Variants in C13orf46 observed in about 807,000 individuals in gnomAD.
C13orf46 encodes chromosome 13 open reading frame 46, also known as uncharacterized protein C13orf46.
downstream of C13orf46, among the ~76,000 whole-genome samples, chr13:113,949,677 C>G (rs984566318): frequency 6.6e-6 from 1 of 152,240 alleles, no homozygotes; most frequent in Non-Finnish European, 1.5e-5. Flanking sequence ...GCAGATGCCC[C>G]GACAAGCTGT....
chr13:113,928,206 CCAA>C, the C13orf46 span: 1 of 152,290 alleles, frequency 6.6e-6, no homozygotes, highest in Admixed American at 6.5e-5. Flanking sequence ...ACAGCCAAGG[CCAA>C]GAAGCTCCCA....
the C13orf46 span, among the ~76,000 whole-genome samples, chr13:113,945,681 A>G: frequency 4.9e-3 from 445 of 90,116 alleles, 7 homozygotes; most frequent in African/African-American, 0.014. Flanking sequence ...AGGAAAGAAA[A>G]ACAAACCAAG....
chr13:113,945,990 C>A, the C13orf46 span, among the ~76,000 whole-genome samples: 13 of 152,050 alleles, frequency 8.5e-5, no homozygotes, highest in Non-Finnish European at 1.3e-4. Flanking sequence ...GATTTAGGGT[C>A]CAGTTCACCG....
At chr13:113,942,875 G>A in the C13orf46 span, among the ~76,000 whole-genome samples, 6 of 152,186 alleles carry the variant, frequency 3.9e-5, no homozygotes, top group South Asian at 2.1e-4. Context: ...AAGGCACAGC[G>A]CCCCAGTGCC....
At position 113,955,202 on chromosome 13, in the gene C13orf46, G is replaced by A. The variant is rs2052514649; in HGVS notation, c.*1571C>T. On this transcript the variant is annotated 3_prime_UTR_variant, in exon 7 of 7. Coordinates refer to ENST00000636427, the MANE Select transcript of C13orf46 (RefSeq NM_001365455.2). ...ATCTGGTGGAGAGGAGGAGCATCCC[G>A]TGGAGACGAGGAGCATCCCGTGGAG... 1 of 210,992 alleles carries A rather than the reference G, an allele frequency of 4.7e-6. No individual in the cohort carries two copies. The highest frequency in any genetic ancestry group is 5.4e-5 in the South Asian group (1 of 18,444). The allele number at this position is 210,992 out of a possible 1,614,324, so 13.1% of individuals were successfully genotyped here.
chr13:113,967,704 G>C (rs2052663913), intron 4 of C13orf46, among the ~76,000 whole-genome samples: 1 of 152,156 alleles, frequency 6.6e-6, no homozygotes, highest in Admixed American at 6.5e-5. Flanking sequence ...CTCATCCTCT[G>C]AGAACTCGGG....
chr13:113,963,343 C>T (rs1171465331), intron 6 of C13orf46, among the ~76,000 whole-genome samples: 1 of 60,488 alleles, frequency 1.7e-5, no homozygotes, highest in East Asian at 6.8e-4. Flanking sequence ...GCCCTCGCCC[C>T]GTCCTCAGCC....
chr13:113,950,823 C>T (rs1048477542), downstream of C13orf46, among the ~76,000 whole-genome samples: 3 of 152,204 alleles, frequency 2.0e-5, no homozygotes, highest in East Asian at 1.9e-4. Flanking sequence ...GGAGTCCTGC[C>T]GTCTCTGGTG....
the C13orf46 span, among the ~76,000 whole-genome samples, chr13:113,946,715 C>T: frequency 2.0e-5 from 3 of 152,232 alleles, no homozygotes; most frequent in Non-Finnish European, 4.4e-5. Context: ...TGTTGGCATC[C>T]AGGCCATTGG....
At chr13:113,973,236 T>A (rs1279214949) in intron 1 of C13orf46, among the ~76,000 whole-genome samples, 3 of 152,140 alleles carry the variant, frequency 2.0e-5, no homozygotes, top group African/African-American at 7.2e-5. Context: ...AGCCTTAAGA[T>A]CTCTGCCCTA....
At chr13:113,961,289 C>T (rs1016311610) in intron 6 of C13orf46, among the ~76,000 whole-genome samples, 1 of 151,800 alleles carries the variant, frequency 6.6e-6, no homozygotes, top group Non-Finnish European at 1.5e-5. Context: ...AAATTACATA[C>T]ATTTATATTA....
At chr13:113,947,607 G>A in the C13orf46 span, among the ~76,000 whole-genome samples, 31 of 152,204 alleles carry the variant, frequency 2.0e-4, no homozygotes, top group African/African-American at 7.2e-4. Context: ...GGGTGGAGCG[G>A]GGAGCTGGCA....
chr13:113,950,812 G>A (rs992340937), downstream of C13orf46, among the ~76,000 whole-genome samples: 3 of 152,188 alleles, frequency 2.0e-5, no homozygotes, highest in East Asian at 1.9e-4. Flanking sequence ...TCCAGGGCAC[G>A]GGAGTCCTGC....
chr13:113,971,439 A>T (rs1256314069), intron 1 of C13orf46, among the ~76,000 whole-genome samples: 1 of 152,212 alleles, frequency 6.6e-6, no homozygotes, highest in African/African-American at 2.4e-5. Flanking sequence ...TGGGGCCCAG[A>T]GGTGGAGCGC....
downstream of C13orf46, among the ~76,000 whole-genome samples, chr13:113,951,279 C>A (rs879223652): frequency 8.6e-5 from 13 of 152,014 alleles, no homozygotes; most frequent in Non-Finnish European, 1.9e-4. Flanking sequence ...CCTGAGCCCT[C>A]AGCACCGGGG....
intron 1 of C13orf46, among the ~76,000 whole-genome samples, chr13:113,970,923 C>T (rs1441281191): frequency 3.9e-5 from 6 of 152,228 alleles, no homozygotes; most frequent in African/African-American, 1.4e-4. Flanking sequence ...GCACACACTG[C>T]TCCCTGGCAC....
the C13orf46 span, among the ~76,000 whole-genome samples, chr13:113,930,152 G>C: frequency 1.7e-4 from 26 of 152,220 alleles, no homozygotes; most frequent in African/African-American, 6.3e-4. Context: ...GAGGCCTCCA[G>C]GAACCTCCCA....
downstream of C13orf46, among the ~76,000 whole-genome samples, chr13:113,949,381 C>T (rs1036610718): frequency 3.3e-5 from 5 of 152,192 alleles, no homozygotes; most frequent in Non-Finnish European, 5.9e-5. Flanking sequence ...TACCCATGTA[C>T]GGCTGTCATC....
the C13orf46 span, among the ~76,000 whole-genome samples, chr13:113,942,251 G>A: frequency 1.3e-5 from 2 of 152,192 alleles, no homozygotes; most frequent in Admixed American, 6.5e-5. Flanking sequence ...CACGCAGCCC[G>A]GGAGGAGGGA....
Sources: allele counts gnomAD v4.1 joint callset (sites outside exome capture counted in the v4.1 genomes callset), GRCh38; gene constraint gnomAD v4.1.1; transcripts MANE v1.5; gene names NCBI Gene and HGNC (gene_info 2026-07-23, HGNC 2026-07-21).